ZFHX3: variants seen among roughly 807,000 people sequenced by gnomAD.
ZFHX3 encodes zinc finger homeobox 3, also known as zinc finger homeobox protein 3.
A neutral mutation model predicts 279.1 loss-of-function variants in ZFHX3; 42 were observed. The observed-to-expected ratio is 0.15, with a 90% CI of 0.12 to 0.19. ZFHX3 has a LOEUF of 0.19. Among genes scored for constraint, ZFHX3 ranks in the 10% least tolerant of loss-of-function variants. The pLI, the probability that ZFHX3 is intolerant of heterozygous loss-of-function variation, is 1.00. For missense variants in ZFHX3, 4,981 were observed against 4,754.0 expected, an observed-to-expected ratio of 1.05 and a Z score of -1.40; for synonymous variants, 2,293 against 1,957.8, an observed-to-expected ratio of 1.17 and a Z score of -4.52.
At chr16:72,911,635 C>G (rs1003809842) in intron 3 of ZFHX3, among the ~76,000 whole-genome samples, 1 of 152,184 alleles carries the variant, frequency 6.6e-6, no homozygotes, top group East Asian at 1.9e-4. Flanking sequence ...ATAGCAGCCA[C>G]TAGCCACATG....
chr16:73,014,515 C>CTTTTTTTTTT (rs1567633191), intron 1 of ZFHX3: 2 of 95,344 alleles, frequency 2.1e-5, no homozygotes, highest in Non-Finnish European at 4.3e-5. Flanking sequence ...GTAATTTCTT[C>CTTTTTTTTTT]TTCTTTTTTT....
At chr16:73,590,977 G>A (rs191721178) in intron 2 of ZFHX3, among the ~76,000 whole-genome samples, 1 of 152,060 alleles carries the variant, frequency 6.6e-6, no homozygotes, top group East Asian at 1.9e-4. Context: ...ACAAAATACA[G>A]GAACAAAGCA....
intron 2 of ZFHX3, among the ~76,000 whole-genome samples, chr16:73,537,380 G>A (rs537327084): frequency 2.3e-4 from 29 of 128,464 alleles, no homozygotes; most frequent in South Asian, 2.0e-3. Flanking sequence ...GCAGTGGCGC[G>A]ATCTTGACTC....
chr16:73,037,050 C>G (rs989229783), intron 1 of ZFHX3, among the ~76,000 whole-genome samples: 2 of 152,190 alleles, frequency 1.3e-5, no homozygotes, highest in Non-Finnish European at 2.9e-5. Context: ...TCACCCCACC[C>G]TCCCATCAAC....
intron 4 of ZFHX3, among the ~76,000 whole-genome samples, chr16:73,286,827 G>C (rs1377564250): frequency 6.8e-6 from 1 of 147,976 alleles, no homozygotes; most frequent in East Asian, 2.0e-4. Flanking sequence ...GTGTGGGTCG[G>C]TGTGTGGCTG....
chr16:73,678,450 T>C (rs915101274), intron 2 of ZFHX3, among the ~76,000 whole-genome samples: 21 of 152,294 alleles, frequency 1.4e-4, no homozygotes, highest in African/African-American at 5.1e-4. Context: ...TGATTTCCAA[T>C]TTTGCTACTT....
At chr16:72,890,780 T>C (rs886809412) in intron 3 of ZFHX3, among the ~76,000 whole-genome samples, 1 of 152,264 alleles carries the variant, frequency 6.6e-6, no homozygotes, top group African/African-American at 2.4e-5. Flanking sequence ...CTGCCTGTTT[T>C]TGTAAATAAA....
intron 1 of ZFHX3, among the ~76,000 whole-genome samples, chr16:73,710,789 G>A (rs997273458): frequency 2.0e-5 from 3 of 152,120 alleles, no homozygotes; most frequent in Admixed American, 6.5e-5. Context: ...CTCCCTTCTC[G>A]GAGCAGCAGT....
At chr16:73,083,622 C>T (rs56295898) in intron 8 of ZFHX3, among the ~76,000 whole-genome samples, 4,124 of 152,194 alleles carry the variant, frequency 0.027, 68 homozygotes, top group Middle Eastern at 0.1. Flanking sequence ...CTCGACCTCT[C>T]GGGCTCAAGC....
chr16:73,844,935 G>A (rs902196303), intron 1 of ZFHX3, among the ~76,000 whole-genome samples: 1 of 151,932 alleles, frequency 6.6e-6, no homozygotes, highest in Admixed American at 6.6e-5. Context: ...CTAAAAATGG[G>A]GCACTCAACC....
At chr16:73,185,057 A>G (rs1301232157) in intron 5 of ZFHX3, among the ~76,000 whole-genome samples, 1 of 151,348 alleles carries the variant, frequency 6.6e-6, no homozygotes, top group Non-Finnish European at 1.5e-5. Context: ...AGCTCACTGC[A>G]GCCTTGACTT....
intron 3 of ZFHX3, among the ~76,000 whole-genome samples, chr16:73,396,207 T>C (rs1041658396): frequency 6.6e-6 from 1 of 152,212 alleles, no homozygotes; most frequent in African/African-American, 2.4e-5. Flanking sequence ...GTTTGTATGA[T>C]GGGAAGAGGC....
At chr16:72,963,074 T>C (rs1239043959) in intron 1 of ZFHX3, among the ~76,000 whole-genome samples, 2 of 152,114 alleles carry the variant, frequency 1.3e-5, no homozygotes, top group African/African-American at 4.8e-5. Flanking sequence ...CAGCACTCTG[T>C]CTGTAAACAC....
intron 4 of ZFHX3, among the ~76,000 whole-genome samples, chr16:72,839,721 G>A (rs147250647): frequency 4.2e-4 from 64 of 152,070 alleles, no homozygotes; most frequent in Middle Eastern, 3.4e-3. Flanking sequence ...TGGATTCAGA[G>A]GCATCATCTA....
At position 73,868,481 on chromosome 16, in the gene ZFHX3, G is replaced by A. The variant is rs374938008; in HGVS notation, c.-1608+23170C>T. Among the ~76,000 whole-genome samples the A allele has an allele frequency of 1.2e-3, 186 of 152,330 alleles. 1 individual carries two copies. The highest frequency in any genetic ancestry group is 4.1e-3 in the African/African-American group (169 of 41,570). On this transcript the variant is annotated intron_variant, in intron 1 of 17. Transcript: ENST00000641206. The stretch of plus-strand genomic sequence containing the variant: ...AGAGGTTGCAGTGAGCGGAGATCAC[G>A]CCACTGCACTCCAGCCTGGGCAACA...
chr16:73,206,844 C>G (rs2011824035), intron 5 of ZFHX3, among the ~76,000 whole-genome samples: 1 of 151,846 alleles, frequency 6.6e-6, no homozygotes, highest in South Asian at 2.1e-4. Context: ...ATGGTGAAAC[C>G]CCATTTCTAA....
intron 1 of ZFHX3, among the ~76,000 whole-genome samples, chr16:73,699,592 T>G (rs546885963): frequency 6.6e-6 from 1 of 152,344 alleles, no homozygotes; most frequent in South Asian, 2.1e-4. Flanking sequence ...ACACACTAGC[T>G]AGCATTTATT....
chr16:73,682,505 G>T (rs959662158), intron 1 of ZFHX3, among the ~76,000 whole-genome samples: 3 of 152,060 alleles, frequency 2.0e-5, no homozygotes, highest in Non-Finnish European at 4.4e-5. Context: ...AGAAAGGTAG[G>T]CCGGGTGCGG....
At chr16:73,370,979 T>C (rs976480632) in intron 3 of ZFHX3, among the ~76,000 whole-genome samples, 1 of 152,158 alleles carries the variant, frequency 6.6e-6, no homozygotes, top group Non-Finnish European at 1.5e-5. Flanking sequence ...TTTGAGATAA[T>C]GCTCTCCTGA....
Sources: gnomAD v4.1 joint callset for allele counts (sites outside exome capture counted in the v4.1 genomes callset) on GRCh38, gnomAD v4.1.1 for gene constraint, MANE v1.5 for transcripts, NCBI Gene and HGNC (gene_info 2026-07-23, HGNC 2026-07-21) for gene names.